STRAP: variants seen among roughly 807,000 people sequenced by gnomAD.
The protein encoded by STRAP is serine/threonine kinase receptor associated protein.
STRAP carries 16 observed loss-of-function variants against 47.0 expected under a neutral mutation model. The ratio of observed to expected loss-of-function variants is 0.34; its 90% CI spans 0.23 to 0.52. The LOEUF (loss-of-function observed/expected upper bound fraction) is 0.52. Among genes scored for constraint, STRAP ranks in the 20% least tolerant of loss-of-function variants. The pLI is 0.96. For missense variants in STRAP, 293 were observed against 420.0 expected, an observed-to-expected ratio of 0.70 and a Z score of 2.64; for synonymous variants, 130 against 142.7, an observed-to-expected ratio of 0.91 and a Z score of 0.63.
intron 4 of STRAP, among the ~76,000 whole-genome samples, chr12:15,892,926 G>A: frequency 6.6e-6 from 1 of 152,160 alleles, no homozygotes; most frequent in East Asian, 1.9e-4. Flanking sequence ...CTCTTTCGCT[G>A]TGCTGGCAGC....
rs532137549 is a variant in STRAP at position 15,893,820 on chromosome 12, A to G, written c.404-227A>G. 2.0e-5 allele frequency among the ~76,000 whole-genome samples: 3 copies of G among 151,992 alleles called. No individual in the cohort carries two copies. The South Asian group carries it at 6.2e-4, about 31-fold the overall frequency. On this transcript the variant is annotated intron_variant, in intron 4 of 9. Transcript: ENST00000419869. Reference sequence around the variant, plus strand: ...GTGGTGCATTCACTCAGCTACATATAGCAAGCATGGTAGTTCCTTGGGTCC... The same window carrying G: ...GTGGTGCATTCACTCAGCTACATATGGCAAGCATGGTAGTTCCTTGGGTCC...
At chr12:15,891,634 C>G (rs567414563) in intron 4 of STRAP, among the ~76,000 whole-genome samples, 1 of 152,200 alleles carries the variant, frequency 6.6e-6, no homozygotes, top group African/African-American at 2.4e-5. Flanking sequence ...ATTGGTGGGA[C>G]AAAGAGGAGT....
chr12:15,900,105 T>C (rs543283895), intron 8 of STRAP, 52 bp downstream of exon 8: 2 of 1,489,904 alleles, frequency 1.3e-6, no homozygotes, highest in Non-Finnish European at 1.8e-6. Flanking sequence ...TGATTTTATG[T>C]CATTTTTAAT....
intron 2 of STRAP, among the ~76,000 whole-genome samples, chr12:15,885,082 A>G (rs561610016): frequency 1.3e-5 from 2 of 151,834 alleles, no homozygotes; most frequent in African/African-American, 4.8e-5. Context: ...TAACTTAGGA[A>G]TTTGACACTT....
chr12:15,895,457 T>C lies in STRAP; in HGVS notation c.599T>C (p.Ile200Thr). The C allele has an allele frequency of 6.2e-7, 1 of 1,608,146 alleles. No individual in the cohort carries two copies. The highest frequency in any genetic ancestry group is 8.5e-7 in the Non-Finnish European group (1 of 1,178,506). Residue 200 changes from isoleucine to threonine, a missense_variant, in exon 6 of 10, where the codon ATA becomes ACA. Transcript: ENST00000419869. ...ATTCCTGAGGGAGAGATTTTGGTTA[T>C]AACTTATGGACGATCTATTGCTTTT... is the stretch of plus-strand genomic sequence containing the variant. ...EYIPEGEILVITYGRSIAFHS... is the reference protein window; with the variant it reads ...EYIPEGEILVTTYGRSIAFHS...
chr12:15,890,399 G>A lies in STRAP; in HGVS notation c.331-198G>A, dbSNP rs1948005083. Among the ~76,000 whole-genome samples, 2 of 152,172 alleles carry A rather than the reference G, an allele frequency of 1.3e-5. No homozygotes were observed. The highest frequency in any genetic ancestry group is 2.4e-5 in the African/African-American group (1 of 41,446). On this transcript the variant is annotated intron_variant, in intron 3 of 9. Transcript: ENST00000419869. This position sits in a 1 kb window ranked among gnomAD's most constrained non-coding sequence, Gnocchi z 4.5. ...ATATGTAGTGTAGTGTAACGCTTTTGAAGTGGAAAGCTTACAAGTCTTGGC... is the reference window on the plus strand; with the variant it reads ...ATATGTAGTGTAGTGTAACGCTTTTAAAGTGGAAAGCTTACAAGTCTTGGC...
intron 2 of STRAP, among the ~76,000 whole-genome samples, chr12:15,885,979 A>G (rs1442781146): frequency 2.6e-5 from 4 of 152,192 alleles, no homozygotes; most frequent in African/African-American, 7.2e-5. Context: ...TTTTGAAACT[A>G]ATATGGCTAA....
intron 1 of STRAP, 37 bp downstream of exon 1, chr12:15,882,856 G>A (rs748383019): frequency 1.4e-5 from 22 of 1,583,902 alleles, no homozygotes; most frequent in Middle Eastern, 1.7e-4. Flanking sequence ...CGACGGCTGG[G>A]ACTGGGCTGA....
intron 1 of STRAP, 56 bp downstream of exon 1, chr12:15,882,875 G>T: frequency 1.3e-6 from 2 of 1,545,308 alleles, no homozygotes; most frequent in South Asian, 1.2e-5. Flanking sequence ...GAAAGGGATC[G>T]GGACCCGCAC....
Position 15,890,650 on chromosome 12 carries a change from C to T in STRAP, c.384C>T (p.Asp128=), listed in dbSNP as rs751797666. The T allele has an allele frequency of 1.9e-6, 3 of 1,610,058 alleles. No individual in the cohort carries two copies. In the South Asian group the frequency reaches 3.3e-5, roughly 18 times the overall value. ...GGQDKLLRIY[D]LNKPEAEPKE... ...AGGATAAACTGTTACGCATATATGA[C>T]TTGAACAAACCTGAAGCAGGTAAGC... Residue 128 remains aspartate (D), a synonymous_variant, in exon 4 of 10, where the codon GAC becomes GAT. Transcript: ENST00000419869. This position sits in a 1 kb window ranked among gnomAD's most constrained non-coding sequence, Gnocchi z 4.5.
At chr12:15,885,944 C>T (rs376198667) in intron 2 of STRAP, among the ~76,000 whole-genome samples, 6 of 152,178 alleles carry the variant, frequency 3.9e-5, no homozygotes, top group African/African-American at 7.2e-5. Flanking sequence ...TATCACCACC[C>T]GCACTTGATC....
intron 2 of STRAP, 152 bp downstream of exon 2, chr12:15,883,828 C>A: frequency 1.9e-6 from 2 of 1,050,362 alleles, no homozygotes; most frequent in Non-Finnish European, 2.7e-6. Context: ...CATCGTGGTC[C>A]ATCGTGGTCC....
intron 9 of STRAP, 27 bp from the exon 10 acceptor site, chr12:15,902,885 CTTTTT>C (rs71042274): frequency 1.2e-3 from 1,274 of 1,100,060 alleles, no homozygotes; most frequent in East Asian, 2.0e-3. Context: ...ACTAATGTGA[CTTTTT>C]TTTTTTTTTT....
chr12:15,901,860 CAAAAAAA>C (rs71042273), intron 9 of STRAP, among the ~76,000 whole-genome samples: 1 of 87,800 alleles, frequency 1.1e-5, no homozygotes, highest in Non-Finnish European at 2.4e-5. Context: ...GACTCTGTCT[CAAAAAAA>C]AAAAAAAAAA....
rs1947984905 is a variant in STRAP at position 15,887,927 on chromosome 12, A to C, written c.249-2001A>C. Among the ~76,000 whole-genome samples the C allele has an allele frequency of 6.6e-6, 1 of 152,054 alleles. No homozygotes were observed. The highest frequency in any genetic ancestry group is 1.5e-5 in the Non-Finnish European group (1 of 68,018). On this transcript the variant is annotated intron_variant, in intron 2 of 9. Coordinates refer to ENST00000419869, the MANE Select transcript of STRAP (RefSeq NM_007178.4). The surrounding 1 kb of genome is among the most constrained non-coding windows in gnomAD (Gnocchi z 5.5). ...GGACATTGCCCGGGTTTCTTTGGAG[A>C]CTTGTGAATAATTAGAATAGTAATT...
chr12:15,895,475 T>C lies in STRAP; in HGVS notation c.617T>C (p.Ile206Thr). The change falls in exon 6 of 10, where the codon ATT becomes ACT. Residue 206 changes from isoleucine to threonine, a missense_variant. Physicochemically the swap from Ile to Thr is moderately conservative, Grantham distance 89. Coordinates refer to ENST00000419869, the MANE Select transcript of STRAP (RefSeq NM_007178.4). ...TTGGTTATAACTTATGGACGATCTA[T>C]TGCTTTTCATAGTGCAGTAAGGTAT... is the stretch of plus-strand genomic sequence containing the variant. The part of the protein sequence containing the change: ...EILVITYGRS[I>T]AFHSAVSLDP... 6.2e-7 allele frequency: 1 copy of C among 1,606,374 alleles called. No individual in the cohort carries two copies.
intron 2 of STRAP, among the ~76,000 whole-genome samples, chr12:15,889,051 C>CT (rs1241045712): frequency 6.6e-6 from 1 of 152,104 alleles, no homozygotes; most frequent in Non-Finnish European, 1.5e-5. Context: ...CTTAGCAATT[C>CT]TTTTCCCTGT....
At chr12:15,891,895 G>A (rs1010085781) in intron 4 of STRAP, among the ~76,000 whole-genome samples, 3 of 151,818 alleles carry the variant, frequency 2.0e-5, no homozygotes, top group African/African-American at 7.3e-5. Context: ...GCAGTGAGCC[G>A]AGATTGCATA....
chr12:15,883,165 GGCC>G, intron 1 of STRAP: 1 of 1,528,430 alleles, frequency 6.5e-7, no homozygotes, highest in Non-Finnish European at 8.8e-7. Flanking sequence ...AATTAGGCCA[GGCC>G]GTGCAATACC....
Sources: allele counts gnomAD v4.1 joint callset (sites outside exome capture counted in the v4.1 genomes callset), GRCh38; gene constraint gnomAD v4.1.1; non-coding constraint Gnocchi (gnomAD v3.1); transcripts MANE v1.5; gene names NCBI Gene and HGNC (gene_info 2026-07-23, HGNC 2026-07-21).